The following NPAS2 variants were observed in gnomAD, a reference collection of about 807,000 sequenced individuals.
The protein encoded by NPAS2 is neuronal PAS domain protein 2.
In NPAS2, 23 loss-of-function variants were observed where a neutral mutation model predicts 107.5. That is an observed-to-expected ratio of 0.21 (90% CI 0.15 to 0.30). The LOEUF is 0.30. Among genes scored for constraint, NPAS2 ranks in the 10% least tolerant of loss-of-function variants. The pLI is 1.00. For missense variants in NPAS2, 756 were observed against 1,043.3 expected (o/e 0.72, Z 3.79); for synonymous variants, 403 against 417.5 (o/e 0.97, Z 0.42).
intron 20 of NPAS2, chr2:100,994,283 T>TCAAGA (rs2105334449): frequency 6.6e-6 from 1 of 152,424 alleles, no homozygotes; most frequent in South Asian, 2.1e-4. Context: ...TCTTGAGTAC[T>TCAAGA]GTAGATAGTG....
intron 1 of NPAS2, among the ~76,000 whole-genome samples, chr2:100,840,036 A>G (rs973985314): frequency 2.0e-5 from 3 of 152,206 alleles, no homozygotes; most frequent in Admixed American, 6.5e-5. Flanking sequence ...CTTTACATGA[A>G]CAGCAGATGT....
chr2:100,957,649 G>T (rs1394291744), intron 7 of NPAS2, among the ~76,000 whole-genome samples: 1 of 152,216 alleles, frequency 6.6e-6, no homozygotes, highest in African/African-American at 2.4e-5. Flanking sequence ...AGGTCCTGCC[G>T]GGCGCGGTGG....
At chr2:100,856,681 C>T in intron 1 of NPAS2, among the ~76,000 whole-genome samples, 1 of 119,988 alleles carries the variant, frequency 8.3e-6, no homozygotes, top group Non-Finnish European at 1.6e-5. Context: ...ACTTCGGAAG[C>T]AATGTAGAGA....
chr2:100,929,230 A>G (rs1260422437), intron 3 of NPAS2, among the ~76,000 whole-genome samples: 2 of 152,190 alleles, frequency 1.3e-5, no homozygotes, highest in African/African-American at 4.8e-5. Flanking sequence ...AGTTAGTTCC[A>G]TTGCACAGAT....
chr2:100,980,844 T>C (rs1374592477), intron 15 of NPAS2, among the ~76,000 whole-genome samples: 1 of 152,160 alleles, frequency 6.6e-6, no homozygotes, highest in Non-Finnish European at 1.5e-5. Flanking sequence ...TCAAAGCCAC[T>C]CTGGTCAAGA....
At chr2:100,848,802 ACT>A (rs1173185376) in intron 1 of NPAS2, among the ~76,000 whole-genome samples, 7 of 152,096 alleles carry the variant, frequency 4.6e-5, no homozygotes, top group African/African-American at 1.7e-4. Flanking sequence ...GTCCAATAAG[ACT>A]CTCTCTACGT....
chr2:100,985,750 CTTAATGTCACTATTTTTTT>C (rs1358680812), intron 16 of NPAS2: 4 of 151,900 alleles, frequency 2.6e-5, no homozygotes, highest in Admixed American at 2.0e-4. Flanking sequence ...GATATATGCT[CTTAATGTCACTATTTTTTT>C]TTAATGTCAC....
intron 1 of NPAS2, among the ~76,000 whole-genome samples, chr2:100,887,681 C>CT (rs200266071): frequency 0.14 from 19,751 of 144,970 alleles, 1,940 homozygotes; most frequent in East Asian, 0.34. Flanking sequence ...TTTTCTTTTT[C>CT]TTTTTTTTTT....
chr2:100,973,193 TACAA>T (rs2105214405), intron 12 of NPAS2, among the ~76,000 whole-genome samples: 1 of 151,120 alleles, frequency 6.6e-6, no homozygotes, highest in African/African-American at 2.4e-5. Context: ...AAAAAAAAAA[TACAA>T]ACACAATCTT....
chr2:100,851,869 G>A (rs1462566365), intron 1 of NPAS2, among the ~76,000 whole-genome samples: 1 of 152,030 alleles, frequency 6.6e-6, no homozygotes, highest in Admixed American at 6.6e-5. Flanking sequence ...TAGTCTTATT[G>A]GGAAGGTGCA....
intron 1 of NPAS2, among the ~76,000 whole-genome samples, chr2:100,843,606 A>G (rs566014705): frequency 3.4e-4 from 52 of 152,100 alleles, no homozygotes; most frequent in Admixed American, 5.9e-4. Context: ...AATGGCTCTG[A>G]CCCTTGTTTT....
intron 1 of NPAS2, among the ~76,000 whole-genome samples, chr2:100,898,175 C>T (rs1245508675): frequency 6.6e-6 from 1 of 151,970 alleles, no homozygotes; most frequent in Non-Finnish European, 1.5e-5. Flanking sequence ...AGTGTTCTTG[C>T]CTCATCCTCC....
chr2:100,850,504 G>A (rs954437163), intron 1 of NPAS2, among the ~76,000 whole-genome samples: 4 of 152,086 alleles, frequency 2.6e-5, no homozygotes, highest in Non-Finnish European at 5.9e-5. Context: ...TTGTATCAAG[G>A]TATCCAAAAA....
intron 1 of NPAS2, among the ~76,000 whole-genome samples, chr2:100,829,023 C>T (rs749220396): frequency 1.1e-4 from 17 of 152,112 alleles, no homozygotes; most frequent in Non-Finnish European, 2.1e-4. Flanking sequence ...TCTTCCAATC[C>T]ATGAGCATGG....
At chr2:100,903,989 G>A (rs1172720743) in intron 1 of NPAS2, among the ~76,000 whole-genome samples, 4 of 152,136 alleles carry the variant, frequency 2.6e-5, no homozygotes, top group African/African-American at 9.7e-5. Flanking sequence ...CTCCGGTGTT[G>A]AGGAAGAACA....
chr2:100,926,501 T>A (rs1483441591), intron 3 of NPAS2, among the ~76,000 whole-genome samples: 1 of 152,242 alleles, frequency 6.6e-6, no homozygotes, highest in African/African-American at 2.4e-5. Context: ...TGAAGTGATA[T>A]CTTATGTGAC....
chr2:100,971,298 C>CAAAAAA (rs35040339), intron 12 of NPAS2, among the ~76,000 whole-genome samples: 4 of 102,548 alleles, frequency 3.9e-5, no homozygotes, highest in African/African-American at 1.1e-4. Flanking sequence ...GACTCTATCT[C>CAAAAAA]AAAAAAAAAA....
intron 14 of NPAS2, 41 bp downstream of exon 14, chr2:100,975,608 C>A: frequency 6.9e-7 from 1 of 1,447,492 alleles, no homozygotes; most frequent in Non-Finnish European, 9.5e-7. Flanking sequence ...GTGTACGCTA[C>A]AATGTGGTGG....
intron 1 of NPAS2, among the ~76,000 whole-genome samples, chr2:100,828,301 A>G (rs976083175): frequency 9.9e-5 from 15 of 152,096 alleles, no homozygotes; most frequent in African/African-American, 3.4e-4. Flanking sequence ...GATTCTGGAT[A>G]TTAGACCTTT....
Sources: allele counts gnomAD v4.1 joint callset (sites outside exome capture counted in the v4.1 genomes callset), GRCh38; gene constraint gnomAD v4.1.1; transcripts MANE v1.5; gene names NCBI Gene and HGNC (gene_info 2026-07-23, HGNC 2026-07-21).